SLC8A1: variants seen among roughly 807,000 people sequenced by gnomAD.
SLC8A1 encodes solute carrier family 8 member A1.
In SLC8A1, 18 loss-of-function variants were observed where a neutral mutation model predicts 68.3. The ratio of observed to expected loss-of-function variants is 0.26; its 90% CI spans 0.18 to 0.39. The LOEUF is 0.39. Among genes scored for constraint, SLC8A1 ranks in the 10% least tolerant of loss-of-function variants. The pLI, the probability that SLC8A1 is intolerant of heterozygous loss-of-function variation, is 1.00. For synonymous variants in SLC8A1, 475 were observed against 415.5 expected (o/e 1.14, Z -1.74); for missense variants, 985 against 1,156.7 (o/e 0.85, Z 2.15).
intron 2 of SLC8A1, among the ~76,000 whole-genome samples, chr2:40,345,329 T>C (rs1037560509): frequency 7.2e-5 from 11 of 152,322 alleles, no homozygotes; most frequent in Non-Finnish European, 1.0e-4. Context: ...GTTAACGTGC[T>C]TCATAAATTA....
intron 2 of SLC8A1, among the ~76,000 whole-genome samples, chr2:40,401,017 A>T (rs950012942): frequency 1.3e-5 from 2 of 152,248 alleles, no homozygotes; most frequent in Non-Finnish European, 2.9e-5. Context: ...TTGTATTTGC[A>T]TGGTGTTTTA....
intron 2 of SLC8A1, among the ~76,000 whole-genome samples, chr2:40,253,174 C>CAAATATACATATATACACGT (rs1162648047): frequency 7.8e-6 from 1 of 127,700 alleles, no homozygotes; most frequent in Non-Finnish European, 1.6e-5. Context: ...TATATACACA[C>CAAATATACATATATACACGT]AAATATACAT....
At chr2:40,202,290 A>G (rs1033808254) in intron 2 of SLC8A1, among the ~76,000 whole-genome samples, 1 of 151,946 alleles carries the variant, frequency 6.6e-6, no homozygotes, top group Non-Finnish European at 1.5e-5. Flanking sequence ...ATCTTGCTCA[A>G]TCCTTTTAGA....
chr2:40,422,026 G>C (rs1404659341), intron 2 of SLC8A1, among the ~76,000 whole-genome samples: 2 of 152,060 alleles, frequency 1.3e-5, no homozygotes, highest in Admixed American at 6.6e-5. Context: ...AGGCACTATG[G>C]GAAGACAGCA....
rs1558722544 is a variant in SLC8A1 at position 40,200,224 on chromosome 2, T to TATATAAA, written c.1809-22370_1809-22369insTTTATAT. Among the ~76,000 whole-genome samples, 8 of 4,568 alleles carry TATATAAA rather than the reference T, an allele frequency of 1.8e-3. 1 individual carries two copies. Among genetic ancestry groups the TATATAAA allele is most frequent in the African/African-American group, 3.7e-3 (7 of 1,908 alleles). 3.0% of individuals were successfully genotyped at this position (4,568 alleles called of 152,430 possible). A position where few individuals can be genotyped will look rare whatever the true frequency, so the allele number is the denominator to read the frequency against. ...TATATATAAATATATATATATTTTT[T>TATATAAA]TATATATATATATAAATATATATAT... On this transcript the variant is annotated intron_variant, in intron 2 of 7. Transcript: ENST00000406785.
chr2:40,215,073 A>C (rs1045142547), intron 2 of SLC8A1, among the ~76,000 whole-genome samples: 1 of 152,190 alleles, frequency 6.6e-6, no homozygotes, highest in Non-Finnish European at 1.5e-5. Context: ...TGTATTTATT[A>C]TATGTGTAAT....
chr2:40,189,190 G>A (rs2051276391), intron 2 of SLC8A1, among the ~76,000 whole-genome samples: 1 of 152,106 alleles, frequency 6.6e-6, no homozygotes, highest in Non-Finnish European at 1.5e-5. Context: ...TTGTCTATAT[G>A]AAACATCATA....
At chr2:40,435,771 T>C (rs1699278174) in intron 1 of SLC8A1, among the ~76,000 whole-genome samples, 2 of 152,126 alleles carry the variant, frequency 1.3e-5, no homozygotes, top group Non-Finnish European at 1.5e-5. Flanking sequence ...ATAGCACTTA[T>C]TACTTTTTTG....
At chr2:40,304,180 C>T (rs776920841) in intron 2 of SLC8A1, among the ~76,000 whole-genome samples, 3 of 152,074 alleles carry the variant, frequency 2.0e-5, no homozygotes, top group Non-Finnish European at 4.4e-5. Flanking sequence ...ACAGAAGAGC[C>T]CCTGGAAAAT....
chr2:40,131,981 T>A (rs2039468405), intron 7 of SLC8A1, among the ~76,000 whole-genome samples: 1 of 151,780 alleles, frequency 6.6e-6, no homozygotes, highest in African/African-American at 2.4e-5. Context: ...GAACTGGATC[T>A]TGATTCATTT....
intron 1 of SLC8A1, among the ~76,000 whole-genome samples, chr2:40,450,447 C>T (rs1702234650): frequency 1.3e-5 from 2 of 152,024 alleles, no homozygotes; most frequent in African/African-American, 4.8e-5. Context: ...CCCTCTTTCC[C>T]TTGGGAAATC....
chr2:40,361,324 G>C (rs776089152), intron 2 of SLC8A1, among the ~76,000 whole-genome samples: 7 of 152,230 alleles, frequency 4.6e-5, no homozygotes, highest in Non-Finnish European at 7.4e-5. Context: ...TTACTTACAA[G>C]TTTTCAATTG....
rs2048158862 is a variant in SLC8A1, at chr2:40,174,687, T to C, written c.1930+138A>G. On this transcript the variant is annotated intron_variant, in intron 4 of 7. Transcript: ENST00000406785. ...GGTATTTGGGGAAAAATAAGGAACATTAAAAAAATAAGTCTTACCAAACAG... is the reference window on the plus strand; with the variant it reads ...GGTATTTGGGGAAAAATAAGGAACACTAAAAAAATAAGTCTTACCAAACAG... The C allele has an allele frequency of 1.3e-6, 2 of 1,493,592 alleles. No homozygotes were observed. Among genetic ancestry groups the C allele is most frequent in the Non-Finnish European group, 1.8e-6 (2 of 1,085,416 alleles). 92.5% of individuals were successfully genotyped at this position (1,493,592 alleles called of 1,614,324 possible). A position where few individuals can be genotyped will look rare whatever the true frequency, so the allele number is the denominator to read the frequency against.
At chr2:40,236,926 G>T (rs2060468173) in intron 2 of SLC8A1, among the ~76,000 whole-genome samples, 1 of 151,982 alleles carries the variant, frequency 6.6e-6, no homozygotes, top group Non-Finnish European at 1.5e-5. Context: ...TTGAACATTG[G>T]CCCCCACTCT....
chr2:40,507,501 A>G (rs2149943312), intron 1 of SLC8A1, among the ~76,000 whole-genome samples: 1 of 152,040 alleles, frequency 6.6e-6, no homozygotes, highest in East Asian at 1.9e-4. Context: ...TGAGAATAAT[A>G]ATATTATTTT....
intron 7 of SLC8A1, among the ~76,000 whole-genome samples, chr2:40,128,314 T>A (rs116289034): frequency 6.6e-6 from 1 of 152,244 alleles, no homozygotes; most frequent in South Asian, 2.1e-4. Flanking sequence ...TGCTTTCTTA[T>A]AGCCCCTATT....
At chr2:40,469,055 TTAA>T (rs1457307656) in intron 1 of SLC8A1, among the ~76,000 whole-genome samples, 1 of 152,146 alleles carries the variant, frequency 6.6e-6, no homozygotes, top group Non-Finnish European at 1.5e-5. Flanking sequence ...ACTTGAAAAG[TTAA>T]TAATAATTCC....
intron 2 of SLC8A1, among the ~76,000 whole-genome samples, chr2:40,239,932 G>A (rs2060986435): frequency 1.3e-5 from 2 of 152,196 alleles, no homozygotes; most frequent in South Asian, 4.1e-4. Context: ...AAGAAGAGTA[G>A]TTTTCTCAAT....
At chr2:40,301,052 T>G (rs72939238) in intron 2 of SLC8A1, among the ~76,000 whole-genome samples, 9,608 of 152,142 alleles carry the variant, frequency 0.063, 1,016 homozygotes, top group African/African-American at 0.22. Context: ...AAGAAAAACG[T>G]TCAAGGAAGT....
Sources: gnomAD v4.1 joint callset for allele counts (sites outside exome capture counted in the v4.1 genomes callset) on GRCh38, gnomAD v4.1.1 for gene constraint, MANE v1.5 for transcripts, NCBI Gene and HGNC (gene_info 2026-07-23, HGNC 2026-07-21) for gene names.